The following CELF2 variants were observed in gnomAD, a reference collection of about 807,000 sequenced individuals.
The protein encoded by CELF2 is CUGBP Elav-like family member 2.
In CELF2, 8 loss-of-function variants were observed where a neutral mutation model predicts 62.6. The ratio of observed to expected loss-of-function variants is 0.13; its 90% CI spans 0.07 to 0.23. The LOEUF is 0.23. CELF2 is among the 10% of genes least tolerant of loss of function. The pLI is 1.00. For missense variants in CELF2, 333 were observed against 671.0 expected, an observed-to-expected ratio of 0.50 and a Z score of 5.56; for synonymous variants, 258 against 250.0, an observed-to-expected ratio of 1.03 and a Z score of -0.30.
chr10:10,984,220 A>G (rs1051059975), intron 2 of CELF2, among the ~76,000 whole-genome samples: 1 of 152,222 alleles, frequency 6.6e-6, no homozygotes, highest in Non-Finnish European at 1.5e-5. Context: ...CGAGTCAGAG[A>G]TCCGCTCCAA....
chr10:10,782,398 G>A, the CELF2 span, among the ~76,000 whole-genome samples: 1 of 152,234 alleles, frequency 6.6e-6, no homozygotes, highest in African/African-American at 2.4e-5. Context: ...AAGAAAGGGG[G>A]CAAATTCCTC....
chr10:10,662,998 A>G, the CELF2 span, among the ~76,000 whole-genome samples: 1 of 152,218 alleles, frequency 6.6e-6, no homozygotes, highest in African/African-American at 2.4e-5. Context: ...ACAAGGAGCT[A>G]TTGTTCCACT....
intron 1 of CELF2, among the ~76,000 whole-genome samples, chr10:11,144,933 C>T (rs1031572655): frequency 2.0e-5 from 3 of 150,332 alleles, no homozygotes; most frequent in African/African-American, 2.4e-5. Context: ...AGGCACCCCT[C>T]GCCAAGCCCT....
At chr10:11,293,367 C>T (rs1273387689) in intron 9 of CELF2, among the ~76,000 whole-genome samples, 2 of 152,208 alleles carry the variant, frequency 1.3e-5, no homozygotes, top group African/African-American at 4.8e-5. Context: ...TTAGTAAAAA[C>T]TGTTTTCAGT....
chr10:11,042,447 C>G (rs972069038), intron 1 of CELF2, among the ~76,000 whole-genome samples: 23 of 152,216 alleles, frequency 1.5e-4, no homozygotes, highest in Non-Finnish European at 4.4e-5. Flanking sequence ...ACAGCATAGA[C>G]TCACATTGAT....
chr10:11,089,982 T>C (rs1276456246), intron 1 of CELF2, among the ~76,000 whole-genome samples: 3 of 152,040 alleles, frequency 2.0e-5, no homozygotes, highest in African/African-American at 7.2e-5. Flanking sequence ...TGGGTACTCA[T>C]GGACATGAAG....
At chr10:10,667,924 C>T in the CELF2 span, among the ~76,000 whole-genome samples, 10 of 152,268 alleles carry the variant, frequency 6.6e-5, no homozygotes, top group East Asian at 1.9e-3. Flanking sequence ...CCAGCAAAAT[C>T]CCTTTGACTA....
chr10:10,734,463 C>G, the CELF2 span, among the ~76,000 whole-genome samples: 1 of 152,202 alleles, frequency 6.6e-6, no homozygotes, highest in Non-Finnish European at 1.5e-5. Context: ...CATTTGACTC[C>G]TGCCCCCACA....
In CELF2 at chr10:11,124,228, C is replaced by G. The variant is rs116268727; in HGVS notation, c.75-41258C>G. On this transcript the variant is annotated intron_variant, in intron 1 of 12. Coordinates refer to ENST00000633077, the MANE Select transcript of CELF2 (RefSeq NM_001326342.2). ...GTGGGGACACAGCCAAATCATATCACTCTCCCTCTGTCTCTCTTGATAATG... is the reference window on the plus strand; with the variant it reads ...GTGGGGACACAGCCAAATCATATCAGTCTCCCTCTGTCTCTCTTGATAATG... Among the ~76,000 whole-genome samples, 1,505 of 152,256 alleles carry G rather than the reference C, an allele frequency of 9.9e-3. 21 individuals carry two copies. The highest frequency in any genetic ancestry group is 0.035 in the African/African-American group (1,437 of 41,536).
rs1276272887 is a variant in CELF2, at chr10:11,302,902, C to A, written c.977-11237C>A. Among the ~76,000 whole-genome samples the A allele has an allele frequency of 6.6e-6, 1 of 152,144 alleles. No homozygotes were observed. Among genetic ancestry groups the A allele is most frequent in the African/African-American group, 2.4e-5 (1 of 41,416 alleles). Reference sequence around the variant, plus strand: ...CTTCCCGGAGTCCTCTCTTTCTCTGCCAGGAGATGAAGCCAGCGTGTGTTT... The same window carrying A: ...CTTCCCGGAGTCCTCTCTTTCTCTGACAGGAGATGAAGCCAGCGTGTGTTT... On this transcript the variant is annotated intron_variant, in intron 9 of 12. Coordinates refer to ENST00000633077, the MANE Select transcript of CELF2 (RefSeq NM_001326342.2). The surrounding 1 kb of genome is among the most constrained non-coding windows in gnomAD (Gnocchi z 5.0).
chr10:10,582,167 A>G, the CELF2 span, among the ~76,000 whole-genome samples: 2 of 152,094 alleles, frequency 1.3e-5, no homozygotes, highest in Admixed American at 6.6e-5. Flanking sequence ...CTTTCTATCC[A>G]CTTGACCGAA....
chr10:10,687,418 A>T, the CELF2 span, among the ~76,000 whole-genome samples: 3 of 152,188 alleles, frequency 2.0e-5, no homozygotes, highest in African/African-American at 4.8e-5. Flanking sequence ...TATTGAACGA[A>T]CCTAATGAAA....
intron 1 of CELF2, among the ~76,000 whole-genome samples, chr10:11,078,172 T>C (rs1426707368): frequency 1.3e-5 from 1 of 78,956 alleles, no homozygotes; most frequent in Admixed American, 1.8e-4. Flanking sequence ...TTTAAGACAT[T>C]CAGTCTATTT....
At chr10:10,882,930 T>A (rs1043006887) in intron 1 of CELF2, among the ~76,000 whole-genome samples, 1 of 152,186 alleles carries the variant, frequency 6.6e-6, no homozygotes, top group African/African-American at 2.4e-5. Context: ...AATAGTAAAG[T>A]TCACTTTCCC....
chr10:10,523,124 A>G, the CELF2 span, among the ~76,000 whole-genome samples: 1 of 152,178 alleles, frequency 6.6e-6, no homozygotes, highest in Admixed American at 6.5e-5. Context: ...GAGTCAGGGA[A>G]GAGCTGGCAG....
At chr10:11,222,255 A>G (rs1038381663) in intron 3 of CELF2, among the ~76,000 whole-genome samples, 7 of 152,184 alleles carry the variant, frequency 4.6e-5, no homozygotes, top group African/African-American at 1.7e-4. Context: ...CACCTCTCCT[A>G]CTTAGTGATA....
At chr10:10,968,517 AT>A (rs902455675) in intron 2 of CELF2, among the ~76,000 whole-genome samples, 1 of 152,168 alleles carries the variant, frequency 6.6e-6, no homozygotes, top group Non-Finnish European at 1.5e-5. Flanking sequence ...AGTATTGTAT[AT>A]TTTATTGCTG....
At chr10:11,115,993 A>G (rs1483280292) in intron 1 of CELF2, among the ~76,000 whole-genome samples, 1 of 152,210 alleles carries the variant, frequency 6.6e-6, no homozygotes, top group Non-Finnish European at 1.5e-5. Flanking sequence ...TTTTCCCTGT[A>G]GCAGCCAGCA....
At chr10:11,013,961 G>A (rs993327646), upstream of CELF2, among the ~76,000 whole-genome samples, 3 of 152,168 alleles carry the variant, frequency 2.0e-5, no homozygotes, top group African/African-American at 7.2e-5. This position sits in a 1 kb window ranked among gnomAD's most constrained non-coding sequence, Gnocchi z 4.1. Flanking sequence ...CAAACACATG[G>A]TCACAAAGTC....
Sources: allele counts gnomAD v4.1 joint callset (sites outside exome capture counted in the v4.1 genomes callset), GRCh38; gene constraint gnomAD v4.1.1; non-coding constraint Gnocchi (gnomAD v3.1); transcripts MANE v1.5; gene names NCBI Gene and HGNC (gene_info 2026-07-23, HGNC 2026-07-21).